Variants in ARL15 observed in about 807,000 individuals in gnomAD.
ARL15 encodes the protein ADP-ribosylation factor-like protein 15.
Under a neutral mutation model 25.2 loss-of-function variants are expected in ARL15, and 19 were observed. The ratio of observed to expected loss-of-function variants is 0.75; its 90% CI spans 0.53 to 1.10. The LOEUF (loss-of-function observed/expected upper bound fraction) is 1.10. Ranked by LOEUF, ARL15 falls within the 50% of genes least tolerant of loss-of-function variation. The pLI, the probability that ARL15 is intolerant of heterozygous loss-of-function variation, is 0.00. For missense variants in ARL15, 220 were observed against 246.0 expected, an observed-to-expected ratio of 0.89 and a Z score of 0.71; for synonymous variants, 94 against 86.8, an observed-to-expected ratio of 1.08 and a Z score of -0.46.
intron 1 of ARL15, among the ~76,000 whole-genome samples, chr5:54,189,732 C>A (rs153992): frequency 0.3 from 45,978 of 151,806 alleles, 7,815 homozygotes; most frequent in African/African-American, 0.45. Flanking sequence ...AAACACAGGG[C>A]AAATGCTTCA....
intron 4 of ARL15, among the ~76,000 whole-genome samples, chr5:54,011,255 G>A (rs755992049): frequency 2.0e-5 from 3 of 152,116 alleles, no homozygotes; most frequent in Non-Finnish European, 2.9e-5. Context: ...TTATGGCTTT[G>A]TAGATTATAA....
chr5:53,951,193 A>C (rs763479714), intron 4 of ARL15, among the ~76,000 whole-genome samples: 2 of 152,228 alleles, frequency 1.3e-5, no homozygotes, highest in Admixed American at 6.5e-5. Context: ...GGGAGAGCTG[A>C]GTAGCAGGGA....
At chr5:54,206,964 G>A (rs1014824505) in intron 1 of ARL15, among the ~76,000 whole-genome samples, 2 of 152,220 alleles carry the variant, frequency 1.3e-5, no homozygotes, top group Non-Finnish European at 2.9e-5. Flanking sequence ...TAACTGGAAA[G>A]GCTCGTCTAG....
chr5:54,285,402 A>G (rs2112677097), intron 1 of ARL15: 1 of 807,028 alleles, frequency 1.2e-6, no homozygotes, highest in East Asian at 1.3e-4. Context: ...GGAGAAAACA[A>G]AACTTCAACA....
intron 4 of ARL15, among the ~76,000 whole-genome samples, chr5:53,957,989 C>T (rs1178982245): frequency 6.6e-6 from 1 of 152,038 alleles, no homozygotes; most frequent in African/African-American, 2.4e-5. Flanking sequence ...GCGGGTGGAT[C>T]ACCTGAGGTC....
Position 54,113,104 on chromosome 5 carries a change from C to A in ARL15, c.462+98G>T, listed in dbSNP as rs181100044. 5.2e-5 allele frequency: 62 copies of A among 1,188,788 alleles called. No individual in the cohort carries two copies. The African/African-American group carries it at 6.8e-4, about 13-fold the overall frequency. The allele number at this position is 1,188,788 out of a possible 1,614,324, so 73.6% of individuals were successfully genotyped here. ...AGGTTTCATGTTGAAAGCAGCATAA[C>A]CAGCACATTCCTAATTACATGCATT... On this transcript the variant is annotated intron_variant, in intron 4 of 4. Transcript: ENST00000504924.
At chr5:54,047,121 G>A (rs895571629) in intron 4 of ARL15, among the ~76,000 whole-genome samples, 1 of 152,170 alleles carries the variant, frequency 6.6e-6, no homozygotes, top group African/African-American at 2.4e-5. Flanking sequence ...CACAAAGTCA[G>A]TGCTCTTGCT....
chr5:54,028,967 G>A lies in ARL15; in HGVS notation c.462+84235C>T, dbSNP rs143375777. Among the ~76,000 whole-genome samples, 528 of 152,132 alleles carry A rather than the reference G, an allele frequency of 3.5e-3. 2 individuals carry two copies. Among genetic ancestry groups the A allele is most frequent in the African/African-American group, 9.6e-3 (399 of 41,476 alleles). ...AGCCTAGGAAGTCAAGGCTTAAGGC[G>A]GCAGTGAGCTATGAGGACTACATTG... On this transcript the variant is annotated intron_variant, in intron 4 of 4. Transcript: ENST00000504924.
In ARL15 at chr5:54,281,284, C is replaced by T. The variant is rs569404839; in HGVS notation, c.48+29148G>A. 7.2e-4 allele frequency among the ~76,000 whole-genome samples: 109 copies of T among 152,048 alleles called. 1 individual carries two copies. The highest frequency in any genetic ancestry group is 1.4e-3 in the Non-Finnish European group (96 of 67,994). ...CCTCCCAAGTAGCTGGGATTACAGG[C>T]GCCCGCCACCACGCCCAGCTAATTC... On this transcript the variant is annotated intron_variant, in intron 1 of 4. Coordinates refer to ENST00000504924, the MANE Select transcript of ARL15 (RefSeq NM_019087.3).
intron 2 of ARL15, among the ~76,000 whole-genome samples, chr5:54,164,575 G>C (rs1444622352): frequency 6.6e-6 from 1 of 151,954 alleles, no homozygotes; most frequent in Non-Finnish European, 1.5e-5. Context: ...AATTATTACA[G>C]TCTCCTGAAT....
At chr5:53,985,420 A>G (rs1404055602) in intron 4 of ARL15, among the ~76,000 whole-genome samples, 1 of 152,146 alleles carries the variant, frequency 6.6e-6, no homozygotes, top group Non-Finnish European at 1.5e-5. Flanking sequence ...TACTCTTTTC[A>G]TCTTTTAAAA....
chr5:54,167,038 C>T (rs549747287), intron 2 of ARL15, among the ~76,000 whole-genome samples: 16 of 152,292 alleles, frequency 1.1e-4, no homozygotes, highest in Admixed American at 6.5e-4. Context: ...ACTCCACTTA[C>T]GGCTGACCTT....
chr5:54,275,617 C>T (rs1380017684), intron 1 of ARL15, among the ~76,000 whole-genome samples: 9 of 152,084 alleles, frequency 5.9e-5, no homozygotes, highest in Admixed American at 5.9e-4. Context: ...GCGCCTGACT[C>T]ATGAAGCAAA....
chr5:54,153,764 G>T (rs1754139028), intron 3 of ARL15, among the ~76,000 whole-genome samples: 1 of 152,126 alleles, frequency 6.6e-6, no homozygotes, highest in Admixed American at 6.6e-5. Flanking sequence ...CGTAAAGTTG[G>T]TGTTACAATC....
At chr5:54,045,078 A>G (rs1750463642) in intron 4 of ARL15, among the ~76,000 whole-genome samples, 1 of 152,208 alleles carries the variant, frequency 6.6e-6, no homozygotes, top group Non-Finnish European at 1.5e-5. Flanking sequence ...TAACGTTCCC[A>G]GAAATGTAAC....
In ARL15 at chr5:53,919,203, T is replaced by C. The variant is rs112688818; in HGVS notation, c.463-32490A>G. ...AGTTTTCCTTAACAAATTCAAATAC[T>C]ACATCGTAAGTCTACGAGGTGTGTG... On this transcript the variant is annotated intron_variant, in intron 4 of 4. Coordinates refer to ENST00000504924, the MANE Select transcript of ARL15 (RefSeq NM_019087.3). Among the ~76,000 whole-genome samples the C allele has an allele frequency of 4.8e-3, 728 of 152,326 alleles. 5 individuals are homozygous for C. The highest frequency in any genetic ancestry group is 0.016 in the African/African-American group (679 of 41,576).
intron 1 of ARL15, among the ~76,000 whole-genome samples, chr5:54,297,805 C>T (rs931063722): frequency 2.6e-4 from 39 of 151,942 alleles, no homozygotes; most frequent in East Asian, 5.8e-4. Context: ...TTTTTTGAGA[C>T]GGAGTCTCGC....
At chr5:53,952,727 G>A (rs957515532) in intron 4 of ARL15, among the ~76,000 whole-genome samples, 2 of 152,060 alleles carry the variant, frequency 1.3e-5, no homozygotes, top group East Asian at 3.9e-4. Flanking sequence ...CTCTGTTATT[G>A]TGCCAATGAC....
chr5:54,079,637 A>G (rs1751724579), intron 4 of ARL15, among the ~76,000 whole-genome samples: 1 of 152,160 alleles, frequency 6.6e-6, no homozygotes, highest in Admixed American at 6.5e-5. Context: ...TGTAAACTGT[A>G]TTAGAACACC....
Sources: allele counts gnomAD v4.1 joint callset (sites outside exome capture counted in the v4.1 genomes callset), GRCh38; gene constraint gnomAD v4.1.1; transcripts MANE v1.5; gene names NCBI Gene and HGNC (gene_info 2026-07-23, HGNC 2026-07-21).